Variants in SCAF8 observed in about 807,000 individuals in gnomAD.
SCAF8 encodes the protein SR-related and CTD-associated factor 8.
A neutral mutation model predicts 140.5 loss-of-function variants in SCAF8; 23 were observed. That is an observed-to-expected ratio of 0.16 (90% CI 0.12 to 0.23). The LOEUF (loss-of-function observed/expected upper bound fraction) is 0.23. Among genes scored for constraint, SCAF8 ranks in the 10% least tolerant of loss-of-function variants. The pLI, the probability that SCAF8 is intolerant of heterozygous loss-of-function variation, is 1.00. For synonymous variants in SCAF8, 575 were observed against 528.9 expected (o/e 1.09, Z -1.20); for missense variants, 1,397 against 1,555.7 (o/e 0.90, Z 1.72).
At chr6:154,789,014 A>G (rs1378239900) in intron 4 of SCAF8, among the ~76,000 whole-genome samples, 1 of 152,226 alleles carries the variant, frequency 6.6e-6, no homozygotes, top group Non-Finnish European at 1.5e-5. Flanking sequence ...TCACCTTTAT[A>G]TTGAGTATAA....
chr6:154,746,531 C>T (rs1582997326), intron 1 of SCAF8, among the ~76,000 whole-genome samples: 1 of 152,214 alleles, frequency 6.6e-6, no homozygotes, highest in East Asian at 1.9e-4. Context: ...AGCTTTCCCT[C>T]TTTCCAAGTT....
intron 8 of SCAF8, among the ~76,000 whole-genome samples, chr6:154,805,147 C>A (rs1777875617): frequency 6.6e-6 from 1 of 152,126 alleles, no homozygotes; most frequent in Non-Finnish European, 1.5e-5. Flanking sequence ...CAGAGCATCT[C>A]TGACACGTTA....
At chr6:154,819,073 T>C (rs1778337755) in intron 14 of SCAF8, among the ~76,000 whole-genome samples, 1 of 126,166 alleles carries the variant, frequency 7.9e-6, no homozygotes, top group Non-Finnish European at 1.6e-5. Context: ...TCCTAATCTT[T>C]ATACTGAGAG....
chr6:154,804,917 A>G lies in SCAF8; in HGVS notation c.864-452A>G, dbSNP rs193110397. On this transcript the variant is annotated intron_variant, in intron 8 of 19. Transcript: ENST00000367178. ...ATGTATATGATTTTCTAAAGGAAGA[A>G]TATTAGTTTTATAAATTTTATGGTC... Among the ~76,000 whole-genome samples, 412 of 152,272 alleles carry G rather than the reference A, an allele frequency of 2.7e-3. 3 individuals are homozygous for G. Among genetic ancestry groups the G allele is most frequent in the Middle Eastern group, 0.014 (4 of 294 alleles).
chr6:154,828,954 C>T (rs1407637407), intron 18 of SCAF8, among the ~76,000 whole-genome samples: 1 of 152,096 alleles, frequency 6.6e-6, no homozygotes, highest in Non-Finnish European at 1.5e-5. Context: ...AGTGTTACTG[C>T]CAACAAGGCT....
At chr6:154,818,149 G>A (rs1348325424) in intron 13 of SCAF8, among the ~76,000 whole-genome samples, 2 of 152,132 alleles carry the variant, frequency 1.3e-5, no homozygotes, top group Non-Finnish European at 2.9e-5. Context: ...GTGGTATTAT[G>A]TATACGAAGT....
chr6:154,751,378 G>A (rs1778833739), intron 1 of SCAF8, among the ~76,000 whole-genome samples: 1 of 152,004 alleles, frequency 6.6e-6, no homozygotes, highest in Non-Finnish European at 1.5e-5. Flanking sequence ...ACAGGCATGC[G>A]CCACCCTGCC....
chr6:154,769,645 A>C (rs1364464983), intron 1 of SCAF8, among the ~76,000 whole-genome samples: 1 of 152,224 alleles, frequency 6.6e-6, no homozygotes, highest in East Asian at 1.9e-4. Context: ...CTGTGAAAAC[A>C]GTATTATTTC....
Position 154,810,117 on chromosome 6 carries a change from A to G in SCAF8, c.1329A>G (p.Ser443=), listed in dbSNP as rs1778045845. The change falls in exon 12 of 20, where the codon TCA becomes TCG. Residue 443 remains serine (S), a synonymous_variant. Coordinates refer to ENST00000367178, the MANE Select transcript of SCAF8 (RefSeq NM_014892.5). ...CAAGAGAAAGAAAGAGGAAATCATCACGGTCGTATTCAAGTGAAAGGAGAG... is the reference window on the plus strand; with the variant it reads ...CAAGAGAAAGAAAGAGGAAATCATCGCGGTCGTATTCAAGTGAAAGGAGAG... ...SRSRERKRKS[S]RSYSSERRAR... 2 of 1,613,884 alleles carry G rather than the reference A, an allele frequency of 1.2e-6. No individual in the cohort carries two copies. Among genetic ancestry groups the G allele is most frequent in the Non-Finnish European group, 1.7e-6 (2 of 1,179,906 alleles).
chr6:154,791,238 C>T (rs187174213), intron 4 of SCAF8, among the ~76,000 whole-genome samples: 1 of 152,134 alleles, frequency 6.6e-6, no homozygotes, highest in African/African-American at 2.4e-5. Context: ...TTTCTAGTTA[C>T]CAAGTTTTCT....
intron 5 of SCAF8, among the ~76,000 whole-genome samples, chr6:154,793,848 A>T (rs925436109): frequency 4.0e-5 from 6 of 151,330 alleles, no homozygotes; most frequent in African/African-American, 1.5e-4. Context: ...AATTTTTTTA[A>T]ATCATAGTTC....
chr6:154,783,560 T>C (rs1365346976), intron 3 of SCAF8, among the ~76,000 whole-genome samples: 1 of 152,208 alleles, frequency 6.6e-6, no homozygotes, highest in Non-Finnish European at 1.5e-5. Context: ...ACATTTACTT[T>C]GTAAATAATA....
intron 18 of SCAF8, among the ~76,000 whole-genome samples, chr6:154,830,192 G>GTTTTTTTT (rs1166274482): frequency 6.6e-6 from 1 of 152,176 alleles, no homozygotes; most frequent in Non-Finnish European, 1.5e-5. Context: ...GACCACAGGT[G>GTTTTTTTT]TTTTTATTTT....
Position 154,824,502 on chromosome 6 carries a change from C to T in SCAF8, c.2071+124C>T, listed in dbSNP as rs147304370. 2,005 of 839,510 alleles carry T rather than the reference C, an allele frequency of 2.4e-3. 5 individuals are homozygous for T. The highest frequency in any genetic ancestry group is 2.7e-3 in the Non-Finnish European group (1,467 of 539,774). The allele number at this position is 839,510 out of a possible 1,614,324, so 52.0% of individuals were successfully genotyped here. A position where few individuals can be genotyped will look rare whatever the true frequency, so the allele number is the denominator to read the frequency against. ...CTTAGCATGCATAGCCTTGTTAAAG[C>T]GCAGATTGCTGGGCCCAGCCTCCAC... On this transcript the variant is annotated intron_variant, in intron 17 of 19. Coordinates refer to ENST00000367178, the MANE Select transcript of SCAF8 (RefSeq NM_014892.5).
In SCAF8 at chr6:154,834,158, A is replaced by T. The variant is rs1396612591; in HGVS notation, c.*763A>T. 6.6e-6 allele frequency: 1 copy of T among 152,192 alleles called. No homozygotes were observed. Among genetic ancestry groups the T allele is most frequent in the African/African-American group, 2.4e-5 (1 of 41,462 alleles). The allele number at this position is 152,192 out of a possible 1,614,324, so 9.4% of individuals were successfully genotyped here. ...TTTTTTGCAAAAGCTTTCTATCATA[A>T]CAACAATGAACTATGTGGTGGAAAA... On this transcript the variant is annotated 3_prime_UTR_variant, in exon 20 of 20. Coordinates refer to ENST00000367178, the MANE Select transcript of SCAF8 (RefSeq NM_014892.5).
chr6:154,787,978 A>G lies in SCAF8; in HGVS notation c.277A>G (p.Ile93Val). 6.2e-7 allele frequency: 1 copy of G among 1,613,188 alleles called. No homozygotes were observed. The highest frequency in any genetic ancestry group is 8.5e-7 in the Non-Finnish European group (1 of 1,179,824). Residue 93 changes from isoleucine (I) to valine (V), a missense_variant, in exon 4 of 20, where the codon ATT becomes GTT. By Grantham distance (29) the Ile-to-Val change is conservative. This residue lies in a region of SCAF8 where 43 missense variants were observed against 142.1 expected (regional missense o/e 0.30). Coordinates refer to ENST00000367178, the MANE Select transcript of SCAF8 (RefSeq NM_014892.5). ...TGCACCCAGATTTAGTAATAACATC[A>G]TTAGCACTTTCCAGAATTTATATCG... ...VFAPRFSNNI[I>V]STFQNLYRCP...
chr6:154,832,422 C>T lies in SCAF8; in HGVS notation c.2843C>T (p.Pro948Leu). 1 of 1,614,126 alleles carries T rather than the reference C, an allele frequency of 6.2e-7. No homozygotes were observed. The highest frequency in any genetic ancestry group is 8.5e-7 in the Non-Finnish European group (1 of 1,180,014). ...CCTTTAATACAGCCTGGAATTCCAC[C>T]CCAACGGGGAATCCCACCCCCATCG... ...RFPLIQPGIPPQRGIPPPSVL... is the reference protein window; with the variant it reads ...RFPLIQPGIPLQRGIPPPSVL... The change falls in exon 20 of 20, where the codon CCC becomes CTC. Residue 948 changes from proline to leucine, a missense_variant. By Grantham distance (98) the Pro-to-Leu change is moderately conservative (BLOSUM62 -3). Around this residue, in one of 5 missense-constraint regions of SCAF8, gnomAD observed 930 missense variants for 874.6 expected, o/e 1.06. Transcript: ENST00000367178.
At chr6:154,788,615 A>G (rs1323543159) in intron 4 of SCAF8, among the ~76,000 whole-genome samples, 3 of 152,230 alleles carry the variant, frequency 2.0e-5, no homozygotes, top group African/African-American at 4.8e-5. Context: ...TTGGAATTAC[A>G]TGAAACTTAT....
At chr6:154,736,748 A>G (rs913741757) in intron 1 of SCAF8, among the ~76,000 whole-genome samples, 4 of 152,060 alleles carry the variant, frequency 2.6e-5, no homozygotes, top group African/African-American at 9.7e-5. Flanking sequence ...CTGTTTTCTC[A>G]TTTTACAGGA....
Sources: gnomAD v4.1 joint callset for allele counts (sites outside exome capture counted in the v4.1 genomes callset) on GRCh38, gnomAD v4.1.1 for gene constraint, gnomAD v4.1.1 regional missense constraint, MANE v1.5 for transcripts, NCBI Gene and HGNC (gene_info 2026-07-23, HGNC 2026-07-21) for gene names.